Variants in TTC28 observed in about 807,000 individuals in gnomAD.
TTC28 encodes the protein tetratricopeptide repeat protein 28.
In TTC28, 61 loss-of-function variants were observed where a neutral mutation model predicts 198.0. That is an observed-to-expected ratio of 0.31 (90% CI 0.25 to 0.38). TTC28 has a LOEUF of 0.38. TTC28 is among the 10% of genes least tolerant of loss of function. The pLI, the probability that TTC28 is intolerant of heterozygous loss-of-function variation, is 1.00. For missense variants in TTC28, 2,678 were observed against 3,164.0 expected (o/e 0.85, Z 3.69); for synonymous variants, 1,171 against 1,297.8 (o/e 0.90, Z 2.10).
intron 2 of TTC28, among the ~76,000 whole-genome samples, chr22:28,590,061 A>AAAAAAAAAAAC (rs1555898135): frequency 2.4e-4 from 34 of 142,372 alleles, no homozygotes; most frequent in Non-Finnish European, 4.7e-4. Context: ...AAAAAAAAAA[A>AAAAAAAAAAAC]ACACAGAAAA....
In TTC28 at chr22:28,127,150, CAGAA is replaced by C. The variant is rs549903612; in HGVS notation, c.1442-18751_1442-18748del. Among the ~76,000 whole-genome samples, 32 of 152,232 alleles carry C rather than the reference CAGAA, an allele frequency of 2.1e-4. No individual in the cohort carries two copies. In the South Asian group the frequency reaches 3.3e-3, roughly 16 times the overall value. Reference sequence around the variant, plus strand: ...CCCTGTTAAAAATATTTGGTACAGACAGAAAGAATCAGGCCCTACTAAAAATATC... The same window carrying C: ...CCCTGTTAAAAATATTTGGTACAGACAGAATCAGGCCCTACTAAAAATATC... On this transcript the variant is annotated intron_variant, in intron 6 of 22. Transcript: ENST00000397906.
At chr22:28,034,063 T>A (rs1203689307) in intron 12 of TTC28, among the ~76,000 whole-genome samples, 1 of 152,104 alleles carries the variant, frequency 6.6e-6, no homozygotes, top group Non-Finnish European at 1.5e-5. Context: ...AGAATGTGAA[T>A]AAACAAATAG....
At position 28,632,036 on chromosome 22, in the gene TTC28, T is replaced by C. The variant is rs149861127; in HGVS notation, c.103-2206A>G. Among the ~76,000 whole-genome samples the C allele has an allele frequency of 4.9e-3, 740 of 152,110 alleles. 12 individuals carry two copies. The highest frequency in any genetic ancestry group is 0.017 in the African/African-American group (696 of 41,496). The stretch of plus-strand genomic sequence containing the variant: ...AGAGGATGCATCTGATTTGATGCAA[T>C]AGGCCAACATATACAAAGAAATAGA... On this transcript the variant is annotated intron_variant, in intron 1 of 22. Coordinates refer to ENST00000397906, the MANE Select transcript of TTC28 (RefSeq NM_001145418.2).
intron 2 of TTC28, among the ~76,000 whole-genome samples, chr22:28,449,788 A>G (rs2047753682): frequency 6.6e-6 from 1 of 152,208 alleles, no homozygotes; most frequent in Non-Finnish European, 1.5e-5. Flanking sequence ...CAACAGAACA[A>G]TAAGGAATGA....
intron 5 of TTC28, among the ~76,000 whole-genome samples, chr22:28,271,025 T>C (rs1932031157): frequency 1.3e-5 from 2 of 152,176 alleles, no homozygotes; most frequent in Admixed American, 1.3e-4. Flanking sequence ...AAAGAAGCTA[T>C]CAATTTGACT....
At chr22:28,554,124 T>G (rs1228059402) in intron 2 of TTC28, among the ~76,000 whole-genome samples, 1 of 152,174 alleles carries the variant, frequency 6.6e-6, no homozygotes, top group East Asian at 1.9e-4. Flanking sequence ...CAGGGTTAAA[T>G]GGATTAAGGG....
chr22:28,294,565 T>G (rs1675593630), intron 5 of TTC28, among the ~76,000 whole-genome samples: 1 of 148,354 alleles, frequency 6.7e-6, no homozygotes, highest in African/African-American at 2.5e-5. Context: ...GCTCTTGCCT[T>G]TTTTTTTTTT....
chr22:28,346,903 A>G (rs2045910917), intron 2 of TTC28, among the ~76,000 whole-genome samples: 1 of 152,210 alleles, frequency 6.6e-6, no homozygotes, highest in African/African-American at 2.4e-5. Flanking sequence ...GGTACAAGCA[A>G]GCAAAAACAA....
intron 2 of TTC28, among the ~76,000 whole-genome samples, chr22:28,620,644 T>C (rs942067828): frequency 6.6e-6 from 1 of 152,148 alleles, no homozygotes; most frequent in Admixed American, 6.5e-5. Flanking sequence ...TACCAAAATG[T>C]AGAAGTGGTC....
intron 17 of TTC28, among the ~76,000 whole-genome samples, chr22:27,995,018 C>T (rs1937527536): frequency 6.6e-6 from 1 of 152,164 alleles, no homozygotes; most frequent in Non-Finnish European, 1.5e-5. Flanking sequence ...TGTTCACATA[C>T]TGACTACTTT....
At chr22:28,046,469 G>A (rs139810138) in intron 12 of TTC28, among the ~76,000 whole-genome samples, 43 of 152,166 alleles carry the variant, frequency 2.8e-4, no homozygotes, top group Non-Finnish European at 5.3e-4. Flanking sequence ...CATAGAAAAG[G>A]TACAGTATAA....
chr22:28,071,586 G>A (rs1331907092), intron 12 of TTC28, among the ~76,000 whole-genome samples: 1 of 148,562 alleles, frequency 6.7e-6, no homozygotes, highest in African/African-American at 2.5e-5. Flanking sequence ...CTGTGGTGGG[G>A]TGGGGGGGAG....
chr22:28,067,468 T>C (rs1035604169), intron 12 of TTC28, among the ~76,000 whole-genome samples: 1 of 152,034 alleles, frequency 6.6e-6, no homozygotes, highest in Non-Finnish European at 1.5e-5. Flanking sequence ...GATAAGAAAA[T>C]AAAAGATTTG....
chr22:28,293,754 T>A (rs751343718), intron 5 of TTC28, among the ~76,000 whole-genome samples: 1 of 152,222 alleles, frequency 6.6e-6, no homozygotes, highest in Non-Finnish European at 1.5e-5. Flanking sequence ...TGGTACTTTA[T>A]AATTCCAGAA....
chr22:28,038,733 A>C (rs1272648951), intron 12 of TTC28, among the ~76,000 whole-genome samples: 1 of 152,240 alleles, frequency 6.6e-6, no homozygotes, highest in Non-Finnish European at 1.5e-5. Context: ...TGAACAGACA[A>C]CCTACAGAAT....
intron 2 of TTC28, among the ~76,000 whole-genome samples, chr22:28,494,054 T>C (rs1435679617): frequency 6.6e-6 from 1 of 152,226 alleles, no homozygotes; most frequent in East Asian, 1.9e-4. Context: ...TTAAACTATC[T>C]GATAATACTA....
intron 2 of TTC28, among the ~76,000 whole-genome samples, chr22:28,500,892 T>TCGG (rs1247613012): frequency 2.9e-4 from 44 of 152,270 alleles, no homozygotes; most frequent in African/African-American, 9.9e-4. Flanking sequence ...GCTGCATTGT[T>TCGG]CAGTTAGAAT....
At chr22:28,001,168 A>G (rs1220928181) in intron 15 of TTC28, 2 of 571,762 alleles carry the variant, frequency 3.5e-6, no homozygotes, top group South Asian at 2.8e-5. Context: ...CAAGGCAGCA[A>G]AGAATGGCCA....
At chr22:28,205,841 C>A (rs1292054117) in intron 5 of TTC28, among the ~76,000 whole-genome samples, 1 of 151,710 alleles carries the variant, frequency 6.6e-6, no homozygotes, top group Non-Finnish European at 1.5e-5. Context: ...GAAATAATAC[C>A]CTGGAAGAAG....
Sources: allele counts gnomAD v4.1 joint callset (sites outside exome capture counted in the v4.1 genomes callset), GRCh38; gene constraint gnomAD v4.1.1; transcripts MANE v1.5; gene names NCBI Gene and HGNC (gene_info 2026-07-23, HGNC 2026-07-21).